Variants in GABRA2 observed in about 807,000 individuals in gnomAD.
The protein encoded by GABRA2 is gamma-aminobutyric acid type A receptor subunit alpha2.
GABRA2 carries 16 observed loss-of-function variants against 48.7 expected under a neutral mutation model. The observed-to-expected ratio is 0.33, with a 90% CI of 0.22 to 0.50. The LOEUF (loss-of-function observed/expected upper bound fraction) is 0.50, where lower values mean the gene tolerates loss of function less well. Ranked by LOEUF, GABRA2 falls within the 20% of genes least tolerant of loss-of-function variation. GABRA2 has a pLI of 0.98. For missense variants in GABRA2, 275 were observed against 535.6 expected, an observed-to-expected ratio of 0.51 and a Z score of 4.80; for synonymous variants, 185 against 184.5, an observed-to-expected ratio of 1.00 and a Z score of -0.02.
chr4:46,349,844 T>A (rs1423288251), intron 3 of GABRA2, among the ~76,000 whole-genome samples: 2 of 151,940 alleles, frequency 1.3e-5, no homozygotes, highest in Non-Finnish European at 2.9e-5. Flanking sequence ...CACATATTAC[T>A]GGAATGTAGT....
chr4:46,352,239 T>C (rs541617644), intron 3 of GABRA2, among the ~76,000 whole-genome samples: 2 of 152,082 alleles, frequency 1.3e-5, no homozygotes, highest in East Asian at 1.9e-4. Context: ...CAGGGACAGT[T>C]ACAACTAAAT....
At chr4:46,275,787 C>T (rs924363843) in intron 8 of GABRA2, among the ~76,000 whole-genome samples, 21 of 152,026 alleles carry the variant, frequency 1.4e-4, no homozygotes, top group Admixed American at 9.2e-4. Flanking sequence ...TGAGGAGATA[C>T]GTTATTTGTG....
At chr4:46,322,602 GACA>G (rs1185469210) in intron 4 of GABRA2, among the ~76,000 whole-genome samples, 2 of 151,866 alleles carry the variant, frequency 1.3e-5, no homozygotes, top group Non-Finnish European at 2.9e-5. Context: ...CCTATATCTG[GACA>G]ACTTTTAGTC....
chr4:46,288,124 T>C (rs774400427), intron 8 of GABRA2, among the ~76,000 whole-genome samples: 1 of 152,120 alleles, frequency 6.6e-6, no homozygotes, highest in African/African-American at 2.4e-5. Context: ...TCTCATGACA[T>C]GTGGGAATTG....
intron 5 of GABRA2, among the ~76,000 whole-genome samples, chr4:46,311,595 T>G (rs1727655001): frequency 6.6e-6 from 1 of 152,138 alleles, no homozygotes. Flanking sequence ...CAACAACTAT[T>G]TATTCTGCAA....
chr4:46,317,348 G>T (rs533904039), intron 4 of GABRA2, among the ~76,000 whole-genome samples: 1 of 151,668 alleles, frequency 6.6e-6, no homozygotes. Flanking sequence ...TATCCATTTG[G>T]GTGCAGGAAG....
At chr4:46,369,496 C>T (rs569258186) in intron 3 of GABRA2, among the ~76,000 whole-genome samples, 3 of 151,982 alleles carry the variant, frequency 2.0e-5, no homozygotes, top group East Asian at 1.9e-4. Context: ...ATATTTAGTT[C>T]TTGCAGCTTG....
chr4:46,370,200 C>T (rs772610178), intron 3 of GABRA2, among the ~76,000 whole-genome samples: 1 of 151,642 alleles, frequency 6.6e-6, no homozygotes, highest in Non-Finnish European at 1.5e-5. Flanking sequence ...AAAAAAGCAT[C>T]AGGGCTAGAA....
intron 8 of GABRA2, among the ~76,000 whole-genome samples, chr4:46,288,507 C>A (rs1474215557): frequency 6.6e-6 from 1 of 152,008 alleles, no homozygotes; most frequent in Non-Finnish European, 1.5e-5. Context: ...TAATGGCTAG[C>A]CATATGCAGA....
chr4:46,310,261 A>G lies in GABRA2; in HGVS notation c.477-6T>C. ...ATTCAGCTTGAACTGTAAGCCTAAA[A>G]GTCAAAATTTCACTATTTGTTTAAG... On this transcript the variant is annotated splice_polypyrimidine_tract_variant and splice_region_variant and intron_variant, in intron 5 of 9. Transcript: ENST00000381620. The G allele has an allele frequency of 6.2e-7, 1 of 1,611,628 alleles. No homozygotes were observed.
chr4:46,291,106 G>T (rs1242372352), intron 8 of GABRA2, among the ~76,000 whole-genome samples: 1 of 152,110 alleles, frequency 6.6e-6, no homozygotes, highest in Non-Finnish European at 1.5e-5. Context: ...GAATGAGTTA[G>T]GAAGTGTTCT....
rs1713929907 is a variant in GABRA2, at chr4:46,247,477, G to C, written c.*2831C>G. 6.6e-6 allele frequency among the ~76,000 whole-genome samples: 1 copy of C among 151,098 alleles called. No homozygotes were observed. The highest frequency in any genetic ancestry group is 6.6e-5 in the Admixed American group (1 of 15,088). On this transcript the variant is annotated 3_prime_UTR_variant, in exon 10 of 10. Coordinates refer to ENST00000381620, the MANE Select transcript of GABRA2 (RefSeq NM_000807.4). The stretch of plus-strand genomic sequence containing the variant: ...AACACCAATTACAGGGCATGGCACA[G>C]GAGGTAAAAAATATTTTTGAATAAA...
At chr4:46,385,770 A>G (rs1717363290) in intron 3 of GABRA2, among the ~76,000 whole-genome samples, 1 of 152,102 alleles carries the variant, frequency 6.6e-6, no homozygotes, top group African/African-American at 2.4e-5. Flanking sequence ...TCATATGTAT[A>G]TCTGCTCAAT....
At chr4:46,360,739 G>A (rs2109956205) in intron 3 of GABRA2, among the ~76,000 whole-genome samples, 1 of 152,320 alleles carries the variant, frequency 6.6e-6, no homozygotes, top group East Asian at 1.9e-4. Context: ...ATGTGGGAAT[G>A]TTTGGAACTA....
chr4:46,321,603 C>A (rs1280412879), intron 4 of GABRA2, among the ~76,000 whole-genome samples: 1 of 151,926 alleles, frequency 6.6e-6, no homozygotes, highest in Non-Finnish European at 1.5e-5. Context: ...GATCAGGGTA[C>A]CTGGCTTTGA....
At chr4:46,387,151 G>T (rs975939063) in intron 2 of GABRA2, among the ~76,000 whole-genome samples, 4 of 151,916 alleles carry the variant, frequency 2.6e-5, no homozygotes, top group African/African-American at 4.8e-5. Flanking sequence ...CCCCAAAAAA[G>T]AATCATTTAT....
In GABRA2 at chr4:46,303,690, A is replaced by G. The variant is rs575796675; in HGVS notation, c.704-78T>C. 4 of 1,295,728 alleles carry G rather than the reference A, an allele frequency of 3.1e-6. No homozygotes were observed. The African/African-American group carries it at 6.0e-5, about 19-fold the overall frequency. The allele number at this position is 1,295,728 out of a possible 1,614,324, so 80.3% of individuals were successfully genotyped here. On this transcript the variant is annotated intron_variant, in intron 7 of 9. Coordinates refer to ENST00000381620, the MANE Select transcript of GABRA2 (RefSeq NM_000807.4). Reference sequence around the variant, plus strand: ...TTAGGAAATAGAAGGGATCAGAGGTAGAACAAAAACTGATTTTTTAAAAAA... The same window carrying G: ...TTAGGAAATAGAAGGGATCAGAGGTGGAACAAAAACTGATTTTTTAAAAAA...
intron 3 of GABRA2, among the ~76,000 whole-genome samples, chr4:46,349,738 C>T (rs1384968743): frequency 1.3e-5 from 2 of 151,836 alleles, no homozygotes; most frequent in Non-Finnish European, 2.9e-5. Flanking sequence ...TATTGATATT[C>T]TAATTTGGTG....
At chr4:46,273,670 CCTT>C (rs1719934793) in intron 8 of GABRA2, among the ~76,000 whole-genome samples, 1 of 151,784 alleles carries the variant, frequency 6.6e-6, no homozygotes, top group African/African-American at 2.4e-5. Flanking sequence ...TAAATTTTCT[CCTT>C]CTCTATCTGT....
Sources: allele counts gnomAD v4.1 joint callset (sites outside exome capture counted in the v4.1 genomes callset), GRCh38; gene constraint gnomAD v4.1.1; transcripts MANE v1.5; gene names NCBI Gene and HGNC (gene_info 2026-07-23, HGNC 2026-07-21).